The following ZCCHC3 variants were observed in gnomAD, a reference collection of about 807,000 sequenced individuals.
The protein encoded by ZCCHC3 is zinc finger CCHC-type containing 3.
ZCCHC3 carries 20 observed loss-of-function variants against 18.4 expected under a neutral mutation model. The observed-to-expected ratio is 1.09, with a 90% CI of 0.76 to 1.58. The LOEUF (loss-of-function observed/expected upper bound fraction) is 1.58, where lower values mean the gene tolerates loss of function less well. Ranked by LOEUF, ZCCHC3 falls within the 40% of genes most tolerant of loss-of-function variation. The probability of loss-of-function intolerance (pLI) is 0.00; values close to 1 mark genes in which losing one functional copy is unlikely to be tolerated. For missense variants in ZCCHC3, 548 were observed against 511.2 expected (o/e 1.07, Z -0.69); for synonymous variants, 310 against 232.7 (o/e 1.33, Z -3.02).
rs1370849833 is a variant in ZCCHC3 at position 297,649 on chromosome 20, C to A, written c.63C>A (p.Pro21=). 1.1e-5 allele frequency: 15 copies of A among 1,370,104 alleles called. No individual in the cohort carries two copies. Among genetic ancestry groups the A allele is most frequent in the African/African-American group, 1.5e-5 (1 of 65,024 alleles). The allele number at this position is 1,370,104 out of a possible 1,614,324, so 84.9% of individuals were successfully genotyped here. The change falls in exon 1 of 1, where the codon CCC becomes CCA. Residue 21 remains proline, a synonymous_variant. Coordinates refer to ENST00000500893, the MANE Select transcript of ZCCHC3 (RefSeq NM_033089.7). ...GGGGGCGGCCGCAGCTTCTGCCCCCCGCGCGGCCCGCGGCCCGGGGCGAGG... is the reference window on the plus strand; with the variant it reads ...GGGGGCGGCCGCAGCTTCTGCCCCCAGCGCGGCCCGCGGCCCGGGGCGAGG... ...RKRGRPQLLP[P]ARPAARGEEA... is the part of the protein sequence containing the mutation.
Position 298,046 on chromosome 20 carries a change from C to CAGG in ZCCHC3, c.460_461insAGG (p.Pro154delinsGlnAla). 6.7e-7 allele frequency: 1 copy of CAGG among 1,500,864 alleles called. No homozygotes were observed. The highest frequency in any genetic ancestry group is 8.9e-7 in the Non-Finnish European group (1 of 1,126,158). 93.0% of individuals were successfully genotyped at this position (1,500,864 alleles called of 1,614,324 possible). ...GGCCGAGCGGCCCCTCCAGGATGAGCCGGCGGCGGCGGCAGGCCCGGGCAA... is the reference window on the plus strand; with the variant it reads ...GGCCGAGCGGCCCCTCCAGGATGAGCAGGCGGCGGCGGCGGCAGGCCCGGGCAA... On this transcript the variant is annotated protein_altering_variant, in exon 1 of 1. Transcript: ENST00000500893.
At position 299,418 on chromosome 20, in the gene ZCCHC3, CTT is replaced by C. The variant is rs2012709166; in HGVS notation, c.*621_*622del. 2 of 167,212 alleles carry C rather than the reference CTT, an allele frequency of 1.2e-5. No homozygotes were observed. Among genetic ancestry groups the C allele is most frequent in the African/African-American group, 4.8e-5 (2 of 41,570 alleles). The allele number at this position is 167,212 out of a possible 1,614,324, so 10.4% of individuals were successfully genotyped here. Reference sequence around the variant, plus strand: ...CTCTGAATGGTGGCCAAGGGCCTCTCTTATGGCACAAAGATGCATGGACTTCA... The same window carrying C: ...CTCTGAATGGTGGCCAAGGGCCTCTCATGGCACAAAGATGCATGGACTTCA... On this transcript the variant is annotated 3_prime_UTR_variant, in exon 1 of 1. Transcript: ENST00000500893.
chr20:297,949 C>G lies in ZCCHC3; in HGVS notation c.363C>G (p.Gly121=). 7.7e-7 allele frequency: 1 copy of G among 1,295,024 alleles called. No individual in the cohort carries two copies. Among genetic ancestry groups the G allele is most frequent in the Non-Finnish European group, 9.7e-7 (1 of 1,025,974 alleles). The allele number at this position is 1,295,024 out of a possible 1,614,324, so 80.2% of individuals were successfully genotyped here. ...PRKKKGAAEA[G]RRKKAEAAAA... is the part of the protein sequence containing the mutation. ...AAAAGAAGGGCGCTGCGGAGGCGGG[C>G]AGGAGGAAGAAGGCCGAGGCGGCGG... is the stretch of plus-strand genomic sequence containing the variant. Residue 121 remains glycine, a synonymous_variant, in exon 1 of 1, where the codon GGC becomes GGG. Transcript: ENST00000500893.
At position 298,871 on chromosome 20, in the gene ZCCHC3, C is replaced by T; in HGVS notation, c.*73C>T. The T allele has an allele frequency of 2.1e-6, 3 of 1,450,926 alleles. No individual in the cohort carries two copies. Among genetic ancestry groups the T allele is most frequent in the South Asian group, 1.5e-5 (1 of 66,144 alleles). 89.9% of individuals were successfully genotyped at this position (1,450,926 alleles called of 1,614,324 possible). On this transcript the variant is annotated 3_prime_UTR_variant, in exon 1 of 1. Coordinates refer to ENST00000500893, the MANE Select transcript of ZCCHC3 (RefSeq NM_033089.7). Reference sequence around the variant, plus strand: ...TAAGTGCCAAAACTTTTTTTTAAACCATTTTTTATCGTTTTTGAAGGAGAT... The same window carrying T: ...TAAGTGCCAAAACTTTTTTTTAAACTATTTTTTATCGTTTTTGAAGGAGAT...
Position 297,878 on chromosome 20 carries a change from A to G in ZCCHC3, c.292A>G (p.Lys98Glu), listed in dbSNP as rs2012668889. The G allele has an allele frequency of 3.2e-6, 4 of 1,247,640 alleles. No homozygotes were observed. The highest frequency in any genetic ancestry group is 4.0e-6 in the Non-Finnish European group (4 of 996,366). 77.3% of individuals were successfully genotyped at this position (1,247,640 alleles called of 1,614,324 possible). A position where few individuals can be genotyped will look rare whatever the true frequency, so the allele number is the denominator to read the frequency against. ...DFPPAGRGDP[K>E]GRRRDPAGEA... is the part of the protein sequence containing the mutation. ...CCCACCGGCTGGCCGCGGGGATCCG[A>G]AGGGCCGTCGGAGAGATCCGGCCGG... Residue 98 changes from lysine (K) to glutamate (E), a missense_variant, in exon 1 of 1, where the codon AAG becomes GAG. Physicochemically the swap from Lys to Glu is moderately conservative, Grantham distance 56. Transcript: ENST00000500893.
chr20:297,656 C>G lies in ZCCHC3; in HGVS notation c.70C>G (p.Pro24Ala). ...GRPQLLPPAR[P>A]AARGEEADGG... ...GCCGCAGCTTCTGCCCCCCGCGCGG[C>G]CCGCGGCCCGGGGCGAGGAGGCCGA... Residue 24 changes from proline to alanine, a missense_variant, in exon 1 of 1, where the codon CCC becomes GCC. Transcript: ENST00000500893. 1.5e-6 allele frequency: 2 copies of G among 1,369,880 alleles called. No homozygotes were observed. The highest frequency in any genetic ancestry group is 1.9e-6 in the Non-Finnish European group (2 of 1,060,436). The allele number at this position is 1,369,880 out of a possible 1,614,324, so 84.9% of individuals were successfully genotyped here.
At position 299,635 on chromosome 20, in the gene ZCCHC3, T is replaced by G. The variant is rs1034459530; in HGVS notation, c.*837T>G. On this transcript the variant is annotated 3_prime_UTR_variant, in exon 1 of 1. Transcript: ENST00000500893. ...GTCTGGTGCCAGAGCCAGCCTATAGTAGAGTCCCCTGACCCCAAGCCCGGT... is the reference window on the plus strand; with the variant it reads ...GTCTGGTGCCAGAGCCAGCCTATAGGAGAGTCCCCTGACCCCAAGCCCGGT... 1 of 167,100 alleles carries G rather than the reference T, an allele frequency of 6.0e-6. No homozygotes were observed. Among genetic ancestry groups the G allele is most frequent in the African/African-American group, 2.4e-5 (1 of 41,440 alleles). 10.4% of individuals were successfully genotyped at this position (167,100 alleles called of 1,614,324 possible).
rs1407117535 is a variant in ZCCHC3 at position 297,823 on chromosome 20, G to C, written c.237G>C (p.Ala79=). The stretch of plus-strand genomic sequence containing the variant: ...GGAGCGCCGGGCTCGGCGGCCCCGC[G>C]GGCCTGGCGGCGCCGGACCTCGGCG... The part of the protein sequence containing the change: ...GGGSAGLGGP[A]GLAAPDLGDF... The change falls in exon 1 of 1, where the codon GCG becomes GCC. Residue 79 remains alanine (A), a synonymous_variant. Transcript: ENST00000500893. 1.6e-6 allele frequency: 2 copies of C among 1,262,552 alleles called. No homozygotes were observed. Among genetic ancestry groups the C allele is most frequent in the Non-Finnish European group, 2.0e-6 (2 of 1,004,890 alleles). The allele number at this position is 1,262,552 out of a possible 1,614,324, so 78.2% of individuals were successfully genotyped here. A position where few individuals can be genotyped will look rare whatever the true frequency, so the allele number is the denominator to read the frequency against.
At position 298,477 on chromosome 20, in the gene ZCCHC3, C is replaced by T. The variant is rs754624517; in HGVS notation, c.891C>T (p.Tyr297=). The change falls in exon 1 of 1, where the codon TAC becomes TAT. Residue 297 remains tyrosine (Y), a synonymous_variant. Transcript: ENST00000500893. Reference sequence around the variant, plus strand: ...GGTTTGGGATCTGGACCGGGGAGTACAAATGCGAGATCGAGCTGCGCCAGG... The same window carrying T: ...GGTTTGGGATCTGGACCGGGGAGTATAAATGCGAGATCGAGCTGCGCCAGG... The part of the protein sequence containing the change: ...TDRFGIWTGE[Y]KCEIELRQGE... 1.3e-6 allele frequency: 1 copy of T among 773,188 alleles called. No individual in the cohort carries two copies. The highest frequency in any genetic ancestry group is 2.4e-6 in the Non-Finnish European group (1 of 412,666). 47.9% of individuals were successfully genotyped at this position (773,188 alleles called of 1,614,324 possible). A position where few individuals can be genotyped will look rare whatever the true frequency, so the allele number is the denominator to read the frequency against.
chr20:298,852 C>A lies in ZCCHC3; in HGVS notation c.*54C>A. ...ACAGCCAGCTTATCCCTCTTAAGTG[C>A]CAAAACTTTTTTTTAAACCATTTTT... On this transcript the variant is annotated 3_prime_UTR_variant, in exon 1 of 1. Transcript: ENST00000500893. 1 of 1,460,846 alleles carries A rather than the reference C, an allele frequency of 6.8e-7. No individual in the cohort carries two copies. Among genetic ancestry groups the A allele is most frequent in the Non-Finnish European group, 9.1e-7 (1 of 1,104,048 alleles). The allele number at this position is 1,460,846 out of a possible 1,614,324, so 90.5% of individuals were successfully genotyped here. A position where few individuals can be genotyped will look rare whatever the true frequency, so the allele number is the denominator to read the frequency against.
chr20:298,261 C>A lies in ZCCHC3; in HGVS notation c.675C>A (p.Phe225Leu), dbSNP rs542278598. The A allele has an allele frequency of 2.2e-6, 2 of 892,128 alleles. No individual in the cohort carries two copies. The highest frequency in any genetic ancestry group is 1.9e-6 in the Non-Finnish European group (1 of 519,778). The allele number at this position is 892,128 out of a possible 1,614,324, so 55.3% of individuals were successfully genotyped here. The change falls in exon 1 of 1, where the codon TTC (phenylalanine) becomes TTA (leucine). Residue 225 changes from phenylalanine to leucine, a missense_variant. Phe to Leu is a conservative substitution (Grantham distance 22, BLOSUM62 0). Coordinates refer to ENST00000500893, the MANE Select transcript of ZCCHC3 (RefSeq NM_033089.7). ...SFRSAEKLAL[F>L]LRVYEEKREQ... ...GCTCAGCGGAGAAGCTGGCCCTGTT[C>A]CTACGCGTCTACGAGGAGAAGCGGG...
At position 299,409 on chromosome 20, in the gene ZCCHC3, A is replaced by G. The variant is rs945350428; in HGVS notation, c.*611A>G. 2 of 167,122 alleles carry G rather than the reference A, an allele frequency of 1.2e-5. No individual in the cohort carries two copies. The highest frequency in any genetic ancestry group is 2.9e-5 in the Non-Finnish European group (2 of 68,138). The allele number at this position is 167,122 out of a possible 1,614,324, so 10.4% of individuals were successfully genotyped here. Reference sequence around the variant, plus strand: ...ATCAATAAGCTCTGAATGGTGGCCAAGGGCCTCTCTTATGGCACAAAGATG... The same window carrying G: ...ATCAATAAGCTCTGAATGGTGGCCAGGGGCCTCTCTTATGGCACAAAGATG... On this transcript the variant is annotated 3_prime_UTR_variant, in exon 1 of 1. Coordinates refer to ENST00000500893, the MANE Select transcript of ZCCHC3 (RefSeq NM_033089.7).
In ZCCHC3 at chr20:297,970, G is replaced by C; in HGVS notation, c.384G>C (p.Ala128=). 1 of 1,304,998 alleles carries C rather than the reference G, an allele frequency of 7.7e-7. No individual in the cohort carries two copies. Among genetic ancestry groups the C allele is most frequent in the South Asian group, 2.5e-5 (1 of 39,858 alleles). 80.8% of individuals were successfully genotyped at this position (1,304,998 alleles called of 1,614,324 possible). A position where few individuals can be genotyped will look rare whatever the true frequency, so the allele number is the denominator to read the frequency against. Residue 128 remains alanine, a synonymous_variant, in exon 1 of 1, where the codon GCG becomes GCC. Transcript: ENST00000500893. ...AEAGRRKKAE[A]AAAAMATPAR... The stretch of plus-strand genomic sequence containing the variant: ...CGGGCAGGAGGAAGAAGGCCGAGGC[G>C]GCGGCGGCCGCCATGGCGACCCCGG...
Position 298,071 on chromosome 20 carries a change from AG to A in ZCCHC3, c.488del (p.Gly163ValfsTer23). On this transcript the variant is annotated frameshift_variant, in exon 1 of 1. Coordinates refer to ENST00000500893, the MANE Select transcript of ZCCHC3 (RefSeq NM_033089.7). LOFTEE classifies it high-confidence loss of function. ...DEPAAAAGPG[K>X]GRFLVRICFQ... ...CCGGCGGCGGCGGCAGGCCCGGGCAAGGGTCGCTTCCTCGTCCGCATCTGTT... is the reference window on the plus strand; with the variant it reads ...CCGGCGGCGGCGGCAGGCCCGGGCAAGGTCGCTTCCTCGTCCGCATCTGTT... The A allele has an allele frequency of 6.5e-7, 1 of 1,546,046 alleles. No homozygotes were observed.
rs1043653909 is a variant in ZCCHC3 at position 297,669 on chromosome 20, G to A, written c.83G>A (p.Gly28Asp). 19 of 1,369,512 alleles carry A rather than the reference G, an allele frequency of 1.4e-5. No homozygotes were observed. The highest frequency in any genetic ancestry group is 1.7e-5 in the Non-Finnish European group (18 of 1,059,950). 84.8% of individuals were successfully genotyped at this position (1,369,512 alleles called of 1,614,324 possible). The change falls in exon 1 of 1, where the codon GGC becomes GAC. Residue 28 changes from glycine to aspartate, a missense_variant. By Grantham distance (94) the Gly-to-Asp change is moderately conservative (BLOSUM62 -1). Transcript: ENST00000500893. ...LLPPARPAAR[G>D]EEADGGREKM... ...CCCCCCGCGCGGCCCGCGGCCCGGGGCGAGGAGGCCGACGGCGGCCGCGAG... is the reference window on the plus strand; with the variant it reads ...CCCCCCGCGCGGCCCGCGGCCCGGGACGAGGAGGCCGACGGCGGCCGCGAG...
In ZCCHC3 at chr20:298,706, C is replaced by T; in HGVS notation, c.1120C>T (p.Leu374Phe). 1 of 1,608,688 alleles carries T rather than the reference C, an allele frequency of 6.2e-7. No homozygotes were observed. The highest frequency in any genetic ancestry group is 1.1e-5 in the South Asian group (1 of 90,570). Residue 374 changes from leucine (L) to phenylalanine (F), a missense_variant, in exon 1 of 1, where the codon CTC (leucine) becomes TTC (phenylalanine). Physicochemically the swap from Leu to Phe is conservative, Grantham distance 22. Transcript: ENST00000500893. ...PYCRKGIVCN[L>F]CGKRGHAFAQ... is the part of the protein sequence containing the mutation. ...CTGCCGGAAGGGCATCGTGTGCAAC[C>T]TCTGTGGCAAGCGAGGACACGCCTT...
In ZCCHC3 at chr20:297,941, G is replaced by C; in HGVS notation, c.355G>C (p.Glu119Gln). 7.8e-7 allele frequency: 1 copy of C among 1,284,248 alleles called. No homozygotes were observed. 79.6% of individuals were successfully genotyped at this position (1,284,248 alleles called of 1,614,324 possible). The change falls in exon 1 of 1, where the codon GAG (glutamate) becomes CAG (glutamine). Residue 119 changes from glutamate to glutamine, a missense_variant. Transcript: ENST00000500893. Reference sequence around the variant, plus strand: ...CCCCCGCAAAAAGAAGGGCGCTGCGGAGGCGGGCAGGAGGAAGAAGGCCGA... The same window carrying C: ...CCCCCGCAAAAAGAAGGGCGCTGCGCAGGCGGGCAGGAGGAAGAAGGCCGA... ...VDPRKKKGAA[E>Q]AGRRKKAEAA... is the part of the protein sequence containing the mutation.
chr20:299,384 A>G lies in ZCCHC3; in HGVS notation c.*586A>G, dbSNP rs549939790. 1.2e-5 allele frequency: 2 copies of G among 167,172 alleles called. No individual in the cohort carries two copies. Among genetic ancestry groups the G allele is most frequent in the Admixed American group, 1.3e-4 (2 of 15,294 alleles). 10.4% of individuals were successfully genotyped at this position (167,172 alleles called of 1,614,324 possible). The stretch of plus-strand genomic sequence containing the variant: ...GTTGTTAGAAGTGTATATAATCTGA[A>G]TCAATAAGCTCTGAATGGTGGCCAA... On this transcript the variant is annotated 3_prime_UTR_variant, in exon 1 of 1. Transcript: ENST00000500893.
In ZCCHC3 at chr20:299,066, G is replaced by GTA; in HGVS notation, c.*270_*271dup. 2.8e-6 allele frequency: 1 copy of GTA among 355,962 alleles called. No homozygotes were observed. The highest frequency in any genetic ancestry group is 5.2e-6 in the Non-Finnish European group (1 of 190,712). 22.1% of individuals were successfully genotyped at this position (355,962 alleles called of 1,614,324 possible). ...AATTTTATTTTCGTTTTTCTATTGG[G>GTA]TATTTGTTTTGTTTCTTGTACTTTT... is the stretch of plus-strand genomic sequence containing the variant. On this transcript the variant is annotated 3_prime_UTR_variant, in exon 1 of 1. Transcript: ENST00000500893.
Sources: allele counts gnomAD v4.1 joint callset, GRCh38; gene constraint gnomAD v4.1.1; transcripts MANE v1.5; gene names NCBI Gene and HGNC (gene_info 2026-07-23, HGNC 2026-07-21).